The following KIAA1217 variants were observed in gnomAD, a reference collection of about 807,000 sequenced individuals.
The protein encoded by KIAA1217 is sickle tail protein homolog.
A neutral mutation model predicts 163.9 loss-of-function variants in KIAA1217; 88 were observed. That is an observed-to-expected ratio of 0.54 (90% CI 0.45 to 0.64). KIAA1217 has a LOEUF of 0.64. KIAA1217 is among the 30% of genes least tolerant of loss of function. The pLI is 0.00. For synonymous variants in KIAA1217, 903 were observed against 923.1 expected, an observed-to-expected ratio of 0.98 and a Z score of 0.39; for missense variants, 2,372 against 2,475.0, an observed-to-expected ratio of 0.96 and a Z score of 0.88.
chr10:23,894,602 G>T (rs1261892654), intron 1 of KIAA1217, among the ~76,000 whole-genome samples: 2 of 150,282 alleles, frequency 1.3e-5, no homozygotes, highest in African/African-American at 4.9e-5. Context: ...TCCCCATCAA[G>T]CTACCAATGA....
intron 2 of KIAA1217, among the ~76,000 whole-genome samples, chr10:24,030,860 A>G (rs1392244545): frequency 6.6e-6 from 1 of 152,200 alleles, no homozygotes; most frequent in African/African-American, 2.4e-5. Flanking sequence ...TGCCTTTTTA[A>G]GGCTAAAGAA....
intron 1 of KIAA1217, among the ~76,000 whole-genome samples, chr10:23,994,993 A>C (rs1463947973): frequency 6.6e-6 from 1 of 152,198 alleles, no homozygotes; most frequent in Non-Finnish European, 1.5e-5. Flanking sequence ...TGTAAAATAA[A>C]AATTAAAAAA....
At chr10:24,269,705 T>C (rs1182682864) in intron 2 of KIAA1217, among the ~76,000 whole-genome samples, 1 of 152,146 alleles carries the variant, frequency 6.6e-6, no homozygotes, top group Non-Finnish European at 1.5e-5. Context: ...CAGTGAGTCA[T>C]TGGTTTTTGT....
At chr10:23,848,552 G>A (rs149817525) in intron 1 of KIAA1217, among the ~76,000 whole-genome samples, 1 of 151,938 alleles carries the variant, frequency 6.6e-6, no homozygotes, top group Non-Finnish European at 1.5e-5. Context: ...GGAGTCTCCT[G>A]CAACACACAT....
intron 6 of KIAA1217, among the ~76,000 whole-genome samples, chr10:24,475,309 A>T (rs2063893032): frequency 6.6e-6 from 1 of 152,214 alleles, no homozygotes; most frequent in South Asian, 2.1e-4. Context: ...TGTTAATATC[A>T]CTTACTATTA....
At chr10:23,860,895 T>A (rs73604427) in intron 1 of KIAA1217, among the ~76,000 whole-genome samples, 10,492 of 151,658 alleles carry the variant, frequency 0.069, 1,210 homozygotes, top group African/African-American at 0.24. Context: ...TTTCCTTCTT[T>A]TGTTTTCTTT....
At chr10:23,911,579 C>A (rs1046463766) in intron 1 of KIAA1217, among the ~76,000 whole-genome samples, 1 of 152,154 alleles carries the variant, frequency 6.6e-6, no homozygotes, top group Admixed American at 6.6e-5. Context: ...TTTCCTTACC[C>A]AATTCCCAAA....
rs76722129 is a variant in KIAA1217, at chr10:23,789,440, T to C, written c.-321+94206T>C. ...AAATATTGTTAGGCTCTTACCTTAG[T>C]GCAGCCTTATACCACCTGAAAGATG... is the stretch of plus-strand genomic sequence containing the variant. On this transcript the variant is annotated intron_variant, in intron 1 of 18. Coordinates refer to the KIAA1217 transcript ENST00000376462. Among the ~76,000 whole-genome samples, 719 of 152,288 alleles carry C rather than the reference T, an allele frequency of 4.7e-3. 2 individuals are homozygous for C. Among genetic ancestry groups the C allele is most frequent in the African/African-American group, 0.017 (694 of 41,548 alleles).
intron 2 of KIAA1217, among the ~76,000 whole-genome samples, chr10:24,139,147 A>T (rs1006394801): frequency 3.9e-5 from 6 of 152,086 alleles, no homozygotes; most frequent in African/African-American, 1.2e-4. Context: ...AAATATATTG[A>T]TTGCTGTTAT....
intron 1 of KIAA1217, among the ~76,000 whole-genome samples, chr10:23,819,843 A>G (rs765944973): frequency 6.6e-6 from 1 of 152,124 alleles, no homozygotes; most frequent in Non-Finnish European, 1.5e-5. Flanking sequence ...ATTCAGTGCC[A>G]CCTGAGTCAT....
intron 1 of KIAA1217, among the ~76,000 whole-genome samples, chr10:23,969,552 A>G (rs1249431129): frequency 6.6e-6 from 1 of 152,104 alleles, no homozygotes; most frequent in Non-Finnish European, 1.5e-5. Flanking sequence ...GCATCTTTTC[A>G]TGTGCTTATC....
At chr10:24,423,372 C>A (rs189765520) in intron 3 of KIAA1217, among the ~76,000 whole-genome samples, 6 of 152,166 alleles carry the variant, frequency 3.9e-5, no homozygotes, top group African/African-American at 7.2e-5. Flanking sequence ...GCAGCCACTG[C>A]CTTCTGAGTT....
intron 1 of KIAA1217, among the ~76,000 whole-genome samples, chr10:23,967,984 A>G (rs545766653): frequency 6.6e-6 from 1 of 150,590 alleles, no homozygotes; most frequent in East Asian, 2.0e-4. Context: ...TTTGGGATAC[A>G]TGTGTGGAAT....
chr10:24,065,692 A>G (rs1276131359), intron 2 of KIAA1217, among the ~76,000 whole-genome samples: 2 of 152,066 alleles, frequency 1.3e-5, no homozygotes, highest in South Asian at 4.2e-4. Context: ...ATTCCTGGAT[A>G]CCCTTGTTAA....
At chr10:23,937,236 G>T (rs77921926) in intron 1 of KIAA1217, among the ~76,000 whole-genome samples, 3 of 152,090 alleles carry the variant, frequency 2.0e-5, no homozygotes, top group Non-Finnish European at 4.4e-5. Context: ...TTATAGGGAC[G>T]GAGCTTTTTA....
intron 2 of KIAA1217, among the ~76,000 whole-genome samples, chr10:24,246,997 A>T (rs1395636286): frequency 6.7e-6 from 1 of 150,204 alleles, no homozygotes; most frequent in Non-Finnish European, 1.5e-5. Flanking sequence ...TAGGTGACAG[A>T]GCAAGGCTCT....
At position 24,242,875 on chromosome 10, in the gene KIAA1217, T is replaced by C. The variant is rs537467054; in HGVS notation, c.354+22966T>C. ...ATTTTTTCATATGTTTGTTGGCTTCTTGTATGTCTTCTTTTCAGAATTGTC... is the reference window on the plus strand; with the variant it reads ...ATTTTTTCATATGTTTGTTGGCTTCCTGTATGTCTTCTTTTCAGAATTGTC... On this transcript the variant is annotated intron_variant, in intron 2 of 20. Transcript: ENST00000376454. 2.6e-5 allele frequency among the ~76,000 whole-genome samples: 4 copies of C among 152,354 alleles called. No homozygotes were observed. In the East Asian group the frequency reaches 7.7e-4, roughly 29 times the overall value.
chr10:23,778,665 T>C (rs7072067), intron 1 of KIAA1217, among the ~76,000 whole-genome samples: 32,814 of 152,096 alleles, frequency 0.22, 3,709 homozygotes, highest in Middle Eastern at 0.28. Context: ...AGTAATCAAG[T>C]CCTGGCTATT....
chr10:24,393,027 A>G (rs749540490), intron 3 of KIAA1217, among the ~76,000 whole-genome samples: 8 of 152,164 alleles, frequency 5.3e-5, no homozygotes, highest in Non-Finnish European at 1.0e-4. Flanking sequence ...TTAACTCGAT[A>G]CAAGTTCCCC....
Sources: gnomAD v4.1 joint callset for allele counts (sites outside exome capture counted in the v4.1 genomes callset) on GRCh38, gnomAD v4.1.1 for gene constraint, MANE v1.5 for transcripts, NCBI Gene and HGNC (gene_info 2026-07-23, HGNC 2026-07-21) for gene names.